The following IL13RA1 variants were observed in gnomAD, a reference collection of about 807,000 sequenced individuals.
IL13RA1 encodes interleukin-13 receptor subunit alpha-1.
A neutral mutation model predicts 33.8 loss-of-function variants in IL13RA1; 14 were observed. The ratio of observed to expected loss-of-function variants is 0.41; its 90% CI spans 0.27 to 0.65. The LOEUF (loss-of-function observed/expected upper bound fraction) is 0.65, where lower values mean the gene tolerates loss of function less well. IL13RA1 is among the 30% of genes least tolerant of loss of function. The pLI is 0.28. For synonymous variants in IL13RA1, 116 were observed against 115.7 expected, an observed-to-expected ratio of 1.00 and a Z score of -0.02; for missense variants, 313 against 327.0, an observed-to-expected ratio of 0.96 and a Z score of 0.33.
chrX:118,800,294 TTCACTCTTTGCAATATCTTGCTACTGC>T, the IL13RA1 span, among the ~76,000 whole-genome samples: 3 of 110,094 alleles, frequency 2.7e-5, no homozygotes, highest in East Asian at 2.9e-4. Flanking sequence ...TTCCACTTCT[TTCACTCTTTGCAATATCTTGCTACTGC>T]TCACTCTTTG....
At chrX:118,799,047 G>T (rs899237756), downstream of IL13RA1, among the ~76,000 whole-genome samples, 1 of 112,821 alleles carries the variant, frequency 8.9e-6, no homozygotes, top group Admixed American at 9.2e-5. Context: ...GCCCGCACTC[G>T]GAGCAGCCAG....
chrX:118,750,675 GTT>G (rs903350052), intron 4 of IL13RA1, among the ~76,000 whole-genome samples: 1 of 103,206 alleles, frequency 9.7e-6, no homozygotes. Context: ...GGCTTATTTA[GTT>G]TTTTTTTTTA....
chrX:118,738,742 A>T (rs1304108055), intron 1 of IL13RA1, among the ~76,000 whole-genome samples: 1 of 105,780 alleles, frequency 9.5e-6, no homozygotes, highest in Non-Finnish European at 1.9e-5. Context: ...ATATCAAGTA[A>T]TGGAATTGTT....
intron 8 of IL13RA1, chrX:118,770,745 G>T (rs1324210640): frequency 2.8e-6 from 1 of 352,580 alleles, no homozygotes; most frequent in Non-Finnish European, 5.5e-6. Context: ...ACCCCTTCCT[G>T]TGCATCGCCT....
At chrX:118,798,815 C>A (rs1026547637), downstream of IL13RA1, among the ~76,000 whole-genome samples, 1 of 112,853 alleles carries the variant, frequency 8.9e-6, no homozygotes, top group Non-Finnish European at 1.9e-5. Context: ...AGCCCTCGCT[C>A]GCTCTCGGCG....
chrX:118,790,884 G>A (rs2017967889), intron 10 of IL13RA1, among the ~76,000 whole-genome samples: 1 of 111,605 alleles, frequency 9.0e-6, no homozygotes, highest in South Asian at 3.7e-4. Flanking sequence ...CTAATGCAGG[G>A]TTTGGTAGAC....
At chrX:118,739,364 A>AT (rs749844174) in intron 1 of IL13RA1, among the ~76,000 whole-genome samples, 79 of 111,648 alleles carry the variant, frequency 7.1e-4, no homozygotes, top group African/African-American at 2.5e-3. Flanking sequence ...GACAAATGGA[A>AT]TTTTTTGCTC....
At chrX:118,783,492 A>G (rs1185268441) in intron 10 of IL13RA1, among the ~76,000 whole-genome samples, 2 of 111,786 alleles carry the variant, frequency 1.8e-5, no homozygotes, top group East Asian at 5.6e-4. Context: ...GGACATATTC[A>G]TAGAAGCAGT....
chrX:118,789,197 G>A (rs949855721), intron 10 of IL13RA1, among the ~76,000 whole-genome samples: 2 of 112,321 alleles, frequency 1.8e-5, no homozygotes, highest in African/African-American at 3.2e-5. Context: ...AAATGAGGTA[G>A]ATCACTTTTA....
chrX:118,766,270 C>T (rs1017482826), intron 6 of IL13RA1, among the ~76,000 whole-genome samples: 2 of 110,864 alleles, frequency 1.8e-5, no homozygotes, highest in Admixed American at 9.6e-5. Flanking sequence ...TTCATTTTAT[C>T]TTACACATTT....
intron 5 of IL13RA1, chrX:118,758,952 A>T (rs2147381546): frequency 8.9e-6 from 1 of 112,099 alleles, no homozygotes; most frequent in Non-Finnish European, 1.9e-5. Context: ...GCAGGAACCC[A>T]GGCCATCTGA....
chrX:118,805,081 C>A, the IL13RA1 span, among the ~76,000 whole-genome samples: 1 of 111,864 alleles, frequency 8.9e-6, no homozygotes, highest in Non-Finnish European at 1.9e-5. Flanking sequence ...TTCCTTATCC[C>A]TCCCTAATTC....
Position 118,794,250 on chromosome X carries a change from G to T in IL13RA1, c.*2396G>T, listed in dbSNP as rs1445415900. 1 of 112,211 alleles carries T rather than the reference G, an allele frequency of 8.9e-6. No homozygotes were observed. The highest frequency in any genetic ancestry group is 3.2e-5 in the African/African-American group (1 of 30,784). 9.2% of individuals were successfully genotyped at this position (112,211 alleles called of 1,213,427 possible). A position where few individuals can be genotyped will look rare whatever the true frequency, so the allele number is the denominator to read the frequency against. On this transcript the variant is annotated 3_prime_UTR_variant, in exon 11 of 11. Transcript: ENST00000371666. ...CCCTAGGTCTTGGGAGCTCTTGGAG[G>T]TGTCTGTATCAGTGGATTTCCCATC...
At chrX:118,801,840 A>G in the IL13RA1 span, among the ~76,000 whole-genome samples, 1,454 of 112,845 alleles carry the variant, frequency 0.013, 33 homozygotes, top group African/African-American at 0.044. Context: ...GTGAATTTGT[A>G]ATGACATGGC....
At chrX:118,800,570 C>A in the IL13RA1 span, among the ~76,000 whole-genome samples, 1 of 110,836 alleles carries the variant, frequency 9.0e-6, no homozygotes, top group Admixed American at 9.6e-5. Flanking sequence ...AGACTCCAGA[C>A]GCGCCACCTT....
Position 118,791,959 on chromosome X carries a change from A to G in IL13RA1, c.*105A>G. 7.2e-6 allele frequency: 3 copies of G among 414,810 alleles called. No individual in the cohort carries two copies. In the East Asian group the frequency reaches 1.3e-4, roughly 18 times the overall value. The allele number at this position is 414,810 out of a possible 1,213,427, so 34.2% of individuals were successfully genotyped here. A position where few individuals can be genotyped will look rare whatever the true frequency, so the allele number is the denominator to read the frequency against. On this transcript the variant is annotated 3_prime_UTR_variant, in exon 11 of 11. Transcript: ENST00000371666. ...AAATGGAAACTGAAACTACTGCACC[A>G]TTTAAAAACAGGCAGCTCATAAGAG... is the stretch of plus-strand genomic sequence containing the variant.
At chrX:118,801,588 C>T in the IL13RA1 span, among the ~76,000 whole-genome samples, 510 of 112,008 alleles carry the variant, frequency 4.6e-3, 5 homozygotes, top group African/African-American at 0.016. Flanking sequence ...GGGAGATTTT[C>T]TTAACTTGAT....
At chrX:118,760,983 A>G (rs1382367319) in intron 5 of IL13RA1, among the ~76,000 whole-genome samples, 155 bp from the exon 6 acceptor site, 1 of 112,629 alleles carries the variant, frequency 8.9e-6, no homozygotes, top group Non-Finnish European at 1.9e-5. Flanking sequence ...AACTCTGTAC[A>G]TGTTCAGCAC....
intron 10 of IL13RA1, among the ~76,000 whole-genome samples, chrX:118,785,205 C>T (rs1223668552): frequency 3.6e-5 from 4 of 110,980 alleles, no homozygotes; most frequent in African/African-American, 9.9e-5. Flanking sequence ...TCAAGTGATC[C>T]TCCCAACTCA....
Sources: gnomAD v4.1 joint callset for allele counts (sites outside exome capture counted in the v4.1 genomes callset) on GRCh38, gnomAD v4.1.1 for gene constraint, MANE v1.5 for transcripts, NCBI Gene and HGNC (gene_info 2026-07-23, HGNC 2026-07-21) for gene names.